The following TMEM130 variants were observed in gnomAD, a reference collection of about 807,000 sequenced individuals.
TMEM130 encodes transmembrane protein 130.
TMEM130 carries 37 observed loss-of-function variants against 42.9 expected under a neutral mutation model. That is an observed-to-expected ratio of 0.86 (90% confidence interval 0.66 to 1.13). TMEM130 has a LOEUF of 1.13. Among genes scored for constraint, TMEM130 ranks in the 50% most tolerant of loss-of-function variants. The pLI, the probability that TMEM130 is intolerant of heterozygous loss-of-function variation, is 0.00. For synonymous variants in TMEM130, 259 were observed against 237.7 expected (o/e 1.09, Z -0.82); for missense variants, 545 against 562.6 (o/e 0.97, Z 0.32).
chr7:98,852,452 G>A (rs563386442), intron 5 of TMEM130, among the ~76,000 whole-genome samples: 3 of 152,154 alleles, frequency 2.0e-5, no homozygotes, highest in African/African-American at 4.8e-5. Context: ...TTTTAATAGC[G>A]ATGGGACTAT....
At chr7:98,851,932 A>G (rs1435900017) in intron 5 of TMEM130, among the ~76,000 whole-genome samples, 1 of 152,070 alleles carries the variant, frequency 6.6e-6, no homozygotes, top group African/African-American at 2.4e-5. Flanking sequence ...GGGAATAATA[A>G]GCACATCCCC....
chr7:98,851,885 G>A (rs989450423), intron 5 of TMEM130, among the ~76,000 whole-genome samples: 15 of 152,038 alleles, frequency 9.9e-5, no homozygotes, highest in Admixed American at 2.0e-4. Flanking sequence ...CAGGATGAGC[G>A]GTCTGATGGC....
Position 98,851,565 on chromosome 7 carries a change from C to T in TMEM130, c.862G>A (p.Glu288Lys). The T allele has an allele frequency of 6.2e-7, 1 of 1,613,934 alleles. No homozygotes were observed. Among genetic ancestry groups the T allele is most frequent in the Non-Finnish European group, 8.5e-7 (1 of 1,179,912 alleles). Residue 288 changes from glutamate to lysine, a missense_variant, in exon 6 of 8, where the codon GAG becomes AAG. Coordinates refer to ENST00000339375, the MANE Select transcript of TMEM130 (RefSeq NM_152913.3). Reference sequence around the variant, plus strand: ...CTGGCCACGGACACAGGGTGGCACTCCCCTTCCTCCAGCGGGAGGCACTCA... The same window carrying T: ...CTGGCCACGGACACAGGGTGGCACTTCCCTTCCTCCAGCGGGAGGCACTCA... ...KPECLPLEEG[E>K]CHPVSVASTA...
In TMEM130 at chr7:98,863,246, C is replaced by T. The variant is rs782444830; in HGVS notation, c.240G>A (p.Val80=). Residue 80 remains valine, a synonymous_variant, in exon 2 of 8, where the codon GTG becomes GTA. Coordinates refer to ENST00000339375, the MANE Select transcript of TMEM130 (RefSeq NM_152913.3). The part of the protein sequence containing the change: ...YRFHWIHTPL[V]LTGKMEKGLS... ...GACCCTTCTCCATCTTGCCAGTAAGCACCAGCGGGGTGTGGATCCAGTGGA... is the reference window on the plus strand; with the variant it reads ...GACCCTTCTCCATCTTGCCAGTAAGTACCAGCGGGGTGTGGATCCAGTGGA... 3 of 1,613,950 alleles carry T rather than the reference C, an allele frequency of 1.9e-6. No homozygotes were observed. In the Admixed American group the frequency reaches 5.0e-5, roughly 27 times the overall value.
chr7:98,860,278 T>C lies in TMEM130; in HGVS notation c.452A>G (p.Tyr151Cys). 12 of 1,612,786 alleles carry C rather than the reference T, an allele frequency of 7.4e-6. No homozygotes were observed. The highest frequency in any genetic ancestry group is 1.0e-5 in the Non-Finnish European group (12 of 1,179,368). Residue 151 changes from tyrosine (Y) to cysteine (C), a missense_variant, in exon 3 of 8, where the codon TAT (tyrosine) becomes TGT (cysteine). Physicochemically the swap from Tyr to Cys is radical, Grantham distance 194. Coordinates refer to ENST00000339375, the MANE Select transcript of TMEM130 (RefSeq NM_152913.3). The stretch of plus-strand genomic sequence containing the variant: ...GACTTTCAGGACGGTCTTAGTGAGA[T>C]AGGAGCTGGGCCAGGGTAGGGAAGT... ...QNTSLPWPSS[Y>C]LTKTVLKVSF...
At chr7:98,855,374 C>T (rs1355741444) in intron 4 of TMEM130, 50 bp from the exon 5 acceptor site, 5 of 1,553,280 alleles carry the variant, frequency 3.2e-6, no homozygotes, top group African/African-American at 1.4e-5. Flanking sequence ...GGATTGCTGT[C>T]GAGGCTCCCA....
rs782108873 is a variant in TMEM130, at chr7:98,862,970, C to A, written c.391+125G>T. ...TAACTCGACTGACCCGGGGAAGGAA[C>A]CTACGGGCCTAATCCCCCAGAACCT... On this transcript the variant is annotated intron_variant, in intron 2 of 7. Coordinates refer to ENST00000339375, the MANE Select transcript of TMEM130 (RefSeq NM_152913.3). 132 of 1,009,502 alleles carry A rather than the reference C, an allele frequency of 1.3e-4. 1 individual carries two copies. The African/African-American group carries it at 1.7e-3, about 13-fold the overall frequency. 62.5% of individuals were successfully genotyped at this position (1,009,502 alleles called of 1,614,324 possible). A position where few individuals can be genotyped will look rare whatever the true frequency, so the allele number is the denominator to read the frequency against.
At position 98,852,326 on chromosome 7, in the gene TMEM130, C is replaced by T. The variant is rs782311028; in HGVS notation, c.804-703G>A. Among the ~76,000 whole-genome samples the T allele has an allele frequency of 2.8e-4, 43 of 152,028 alleles. 1 individual carries two copies. Among genetic ancestry groups the T allele is most frequent in the Non-Finnish European group, 5.3e-4 (36 of 67,978 alleles). Reference sequence around the variant, plus strand: ...TGTATTTTTAGTAAAGACAGGGTTTCGCCATGTTGGCTAGGCTGGTCTCAA... The same window carrying T: ...TGTATTTTTAGTAAAGACAGGGTTTTGCCATGTTGGCTAGGCTGGTCTCAA... On this transcript the variant is annotated intron_variant, in intron 5 of 7. Transcript: ENST00000339375.
intron 2 of TMEM130, among the ~76,000 whole-genome samples, chr7:98,862,440 G>A (rs980626611): frequency 4.0e-5 from 6 of 150,900 alleles, no homozygotes; most frequent in Admixed American, 1.3e-4. Flanking sequence ...GGGAGAAAGA[G>A]GGGAGAAAGA....
Position 98,869,422 on chromosome 7 carries a change from A to C in TMEM130, c.85+355T>G. The C allele has an allele frequency of 1.7e-6, 2 of 1,207,814 alleles. No homozygotes were observed. Among genetic ancestry groups the C allele is most frequent in the Non-Finnish European group, 2.1e-6 (2 of 956,518 alleles). The allele number at this position is 1,207,814 out of a possible 1,614,324, so 74.8% of individuals were successfully genotyped here. ...GTGGCGCGATGACGGACCCTGGCGC[A>C]TCCCCGCCTCCCTGCCTCGTCCTCC... On this transcript the variant is annotated intron_variant, in intron 1 of 7. Coordinates refer to ENST00000339375, the MANE Select transcript of TMEM130 (RefSeq NM_152913.3). This position sits in a 1 kb window ranked among gnomAD's most constrained non-coding sequence, Gnocchi z 4.7.
chr7:98,863,562 C>A (rs1794837510), intron 1 of TMEM130, among the ~76,000 whole-genome samples, 162 bp from the exon 2 acceptor site: 1 of 152,046 alleles, frequency 6.6e-6, no homozygotes, highest in Non-Finnish European at 1.5e-5. Flanking sequence ...AATTCGACAT[C>A]AAACCTGGGT....
At position 98,848,095 on chromosome 7, in the gene TMEM130, G is replaced by C; in HGVS notation, c.1233C>G (p.Leu411=). Residue 411 remains leucine, a synonymous_variant, in exon 8 of 8, where the codon CTC becomes CTG. Transcript: ENST00000339375. Reference sequence around the variant, plus strand: ...TTTTGACAGACTTATAGAGGGGCGGGAGCAGCCCGTGGTTCTCACGAACAA... The same window carrying C: ...TTTTGACAGACTTATAGAGGGGCGGCAGCAGCCCGTGGTTCTCACGAACAA... ...LEIVRENHGL[L]PPLYKSVKTY... 2 of 1,614,066 alleles carry C rather than the reference G, an allele frequency of 1.2e-6. No individual in the cohort carries two copies.
intron 2 of TMEM130, among the ~76,000 whole-genome samples, chr7:98,862,061 G>T (rs1794782422): frequency 6.6e-6 from 1 of 152,140 alleles, no homozygotes; most frequent in Non-Finnish European, 1.5e-5. Flanking sequence ...TCTCCTCATG[G>T]TTGCTCACTT....
intron 3 of TMEM130, among the ~76,000 whole-genome samples, chr7:98,859,439 AC>A (rs1303830437): frequency 6.6e-6 from 1 of 152,180 alleles, no homozygotes; most frequent in African/African-American, 2.4e-5. Context: ...TGTTTTGGGC[AC>A]CAATGGCCTC....
chr7:98,852,110 C>A (rs1395238313), intron 5 of TMEM130, among the ~76,000 whole-genome samples: 1 of 152,020 alleles, frequency 6.6e-6, no homozygotes, highest in African/African-American at 2.4e-5. Context: ...CCATGCCCAA[C>A]TAATTTTTTA....
At chr7:98,855,451 G>C (rs1794608075) in intron 4 of TMEM130, 127 bp from the exon 5 acceptor site, 1 of 811,432 alleles carries the variant, frequency 1.2e-6, no homozygotes, top group South Asian at 1.9e-5. Flanking sequence ...CAGGCCACAG[G>C]TCTGTGCGGG....
At chr7:98,852,607 G>GT (rs1193643358) in intron 5 of TMEM130, among the ~76,000 whole-genome samples, 5 of 150,060 alleles carry the variant, frequency 3.3e-5, no homozygotes, top group South Asian at 2.1e-4. Flanking sequence ...TTTTTGTGGG[G>GT]TTTTTTTGAC....
chr7:98,859,728 ATAAATTAAT>A (rs1354880774), intron 3 of TMEM130, among the ~76,000 whole-genome samples: 1 of 149,766 alleles, frequency 6.7e-6, no homozygotes, highest in East Asian at 2.0e-4. Context: ...ATATAAATAA[ATAAATTAAT>A]TAATTAATTA....
chr7:98,853,065 C>T (rs1164735684), intron 5 of TMEM130, among the ~76,000 whole-genome samples: 2 of 152,160 alleles, frequency 1.3e-5, no homozygotes, highest in Non-Finnish European at 2.9e-5. Flanking sequence ...GCAGGTCCAT[C>T]CAAGGAATGT....
Sources: allele counts gnomAD v4.1 joint callset (sites outside exome capture counted in the v4.1 genomes callset), GRCh38; gene constraint gnomAD v4.1.1; non-coding constraint Gnocchi (gnomAD v3.1); transcripts MANE v1.5; gene names NCBI Gene and HGNC (gene_info 2026-07-23, HGNC 2026-07-21).